DOT1L: variants seen among roughly 807,000 people sequenced by gnomAD.
DOT1L encodes the protein DOT1 like histone lysine methyltransferase.
A neutral mutation model predicts 153.3 loss-of-function variants in DOT1L; 33 were observed. The ratio of observed to expected loss-of-function variants is 0.22; its 90% CI spans 0.16 to 0.29. DOT1L has a LOEUF of 0.29. Among genes scored for constraint, DOT1L ranks in the 10% least tolerant of loss-of-function variants. The pLI is 1.00. For missense variants in DOT1L, 1,847 were observed against 2,119.9 expected (o/e 0.87, Z 2.53); for synonymous variants, 1,135 against 965.1 (o/e 1.18, Z -3.26).
Position 2,213,651 on chromosome 19 carries a change from C to T in DOT1L, c.1659+11C>T, listed in dbSNP as rs369617771. The T allele has an allele frequency of 5.6e-6, 9 of 1,613,382 alleles. No homozygotes were observed. The African/African-American group carries it at 1.1e-4, about 19-fold the overall frequency. On this transcript the variant is annotated intron_variant, in intron 17 of 27. Coordinates refer to ENST00000398665, the MANE Select transcript of DOT1L (RefSeq NM_032482.3). ...CAAAAATTGGATGAGGTAGTGGACC[C>T]CAGAGGGCAGGTGGCAGGTGGCAGC...
intron 25 of DOT1L, among the ~76,000 whole-genome samples, chr19:2,223,808 G>A (rs1277026147): frequency 2.0e-5 from 3 of 152,200 alleles, no homozygotes; most frequent in Non-Finnish European, 4.4e-5. Flanking sequence ...ACGTCTTGCC[G>A]AGTGTATTAC....
chr19:2,204,933 C>T lies in DOT1L; in HGVS notation c.788-1796C>T, dbSNP rs1489768449. On this transcript the variant is annotated intron_variant, in intron 9 of 27. Coordinates refer to ENST00000398665, the MANE Select transcript of DOT1L (RefSeq NM_032482.3). This position sits in a 1 kb window ranked among gnomAD's most constrained non-coding sequence, Gnocchi z 5.7. Reference sequence around the variant, plus strand: ...GTCCAGGGGAGGAGAGCTGGGATGGCGGAGTGTGCATGTGTTTAAATGGAT... The same window carrying T: ...GTCCAGGGGAGGAGAGCTGGGATGGTGGAGTGTGCATGTGTTTAAATGGAT... Among the ~76,000 whole-genome samples, 2 of 151,700 alleles carry T rather than the reference C, an allele frequency of 1.3e-5. No homozygotes were observed. Among genetic ancestry groups the T allele is most frequent in the South Asian group, 2.1e-4 (1 of 4,804 alleles).
At position 2,217,153 on chromosome 19, in the gene DOT1L, T is replaced by A; in HGVS notation, c.2544+63T>A. ...GCTCAGCAGAGGCGGCCTGAGCGAG[T>A]TGCTAGCAGGAGGGCTTGTCCTAGT... On this transcript the variant is annotated intron_variant, in intron 21 of 27. Transcript: ENST00000398665. The surrounding 1 kb of genome is among the most constrained non-coding windows in gnomAD (Gnocchi z 7.3). The A allele has an allele frequency of 6.7e-7, 1 of 1,496,644 alleles. No individual in the cohort carries two copies. Among genetic ancestry groups the A allele is most frequent in the Non-Finnish European group, 8.9e-7 (1 of 1,125,596 alleles). 92.7% of individuals were successfully genotyped at this position (1,496,644 alleles called of 1,614,324 possible).
In DOT1L at chr19:2,226,395, C is replaced by G; in HGVS notation, c.3874C>G (p.Pro1292Ala). Residue 1292 changes from proline to alanine, a missense_variant, in exon 27 of 28, where the codon CCC becomes GCC. This residue lies in a region of DOT1L where 934 missense variants were observed against 825.3 expected (regional missense o/e 1.13). Transcript: ENST00000398665. The stretch of plus-strand genomic sequence containing the variant: ...TGCCGATGCCAAGCTGGCCGCTCAC[C>G]CCAGGAAAGGCTTTCCCGGCTCCCT... ...PSADAKLAAHPRKGFPGSLSG... is the reference protein window; with the variant it reads ...PSADAKLAAHARKGFPGSLSG... The G allele has an allele frequency of 3.1e-6, 5 of 1,597,964 alleles. No homozygotes were observed. Among genetic ancestry groups the G allele is most frequent in the Non-Finnish European group, 3.4e-6 (4 of 1,175,438 alleles).
At position 2,211,733 on chromosome 19, in the gene DOT1L, T is replaced by C; in HGVS notation, c.1466-18T>C. The C allele has an allele frequency of 6.4e-7, 1 of 1,551,024 alleles. No individual in the cohort carries two copies. The highest frequency in any genetic ancestry group is 8.7e-7 in the Non-Finnish European group (1 of 1,145,554). ...CTCAGCTGCTCTCTTCTCACCTGTG[T>C]TCCGCCTCTCTTCCCAGAGTCCTTC... is the stretch of plus-strand genomic sequence containing the variant. On this transcript the variant is annotated intron_variant, in intron 15 of 27. Transcript: ENST00000398665.
intron 9 of DOT1L, among the ~76,000 whole-genome samples, chr19:2,205,220 C>T (rs1323781694): frequency 6.6e-6 from 1 of 152,128 alleles, no homozygotes; most frequent in Non-Finnish European, 1.5e-5. Context: ...ATCTCCCTGC[C>T]TCGGCCTCCC....
intron 1 of DOT1L, among the ~76,000 whole-genome samples, chr19:2,168,610 C>A (rs551601203): frequency 6.6e-6 from 1 of 152,058 alleles, no homozygotes; most frequent in Non-Finnish European, 1.5e-5. Context: ...TCTCAAGCCC[C>A]GCATGGCATT....
intron 9 of DOT1L, among the ~76,000 whole-genome samples, chr19:2,203,354 GC>G (rs1230464029): frequency 6.6e-6 from 1 of 152,160 alleles, no homozygotes; most frequent in Non-Finnish European, 1.5e-5. Context: ...GCCCGCCTCG[GC>G]CCCCGCAAAG....
intron 7 of DOT1L, among the ~76,000 whole-genome samples, chr19:2,198,806 TGCGTG>T (rs1343496190): frequency 6.6e-6 from 1 of 152,196 alleles, no homozygotes; most frequent in Non-Finnish European, 1.5e-5. Flanking sequence ...GATCACACAC[TGCGTG>T]GCCCTCTGTG....
Position 2,188,440 on chromosome 19 carries a change from TGGCGGAGGACGGA to T in DOT1L, c.201-1282_201-1270del, listed in dbSNP as rs1414374727. On this transcript the variant is annotated intron_variant, in intron 3 of 27. Transcript: ENST00000398665. ...GAAACTGCTTGCGTGCACGTGGAGG[TGGCGGAGGACGGA>T]GGCGGAGGAAAGAGTCCCCAGCCGC... 3.5e-5 allele frequency among the ~76,000 whole-genome samples: 3 copies of T among 84,844 alleles called. No homozygotes were observed. In the South Asian group the frequency reaches 1.1e-3, roughly 31 times the overall value. 55.7% of individuals were successfully genotyped at this position (84,844 alleles called of 152,430 possible).
In DOT1L at chr19:2,217,126, GT is replaced by G; in HGVS notation, c.2544+37del. ...CGACCCCTGCCCCGGGCTCAGGGAGGTGCTCAGCAGAGGCGGCCTGAGCGAG... is the reference window on the plus strand; with the variant it reads ...CGACCCCTGCCCCGGGCTCAGGGAGGGCTCAGCAGAGGCGGCCTGAGCGAG... On this transcript the variant is annotated intron_variant, in intron 21 of 27. Transcript: ENST00000398665. This position sits in a 1 kb window ranked among gnomAD's most constrained non-coding sequence, Gnocchi z 7.3. 6.5e-7 allele frequency: 1 copy of G among 1,545,210 alleles called. No individual in the cohort carries two copies. The highest frequency in any genetic ancestry group is 8.7e-7 in the Non-Finnish European group (1 of 1,146,062).
chr19:2,174,945 A>C (rs1159918002), intron 1 of DOT1L, among the ~76,000 whole-genome samples: 1 of 127,764 alleles, frequency 7.8e-6, no homozygotes, highest in Non-Finnish European at 1.7e-5. Flanking sequence ...TCTCTTTTTA[A>C]GTTTTTAAAT....
chr19:2,231,714 G>T lies in DOT1L; in HGVS notation c.*1922G>T. 4.7e-6 allele frequency: 1 copy of T among 213,798 alleles called. No individual in the cohort carries two copies. 13.2% of individuals were successfully genotyped at this position (213,798 alleles called of 1,614,324 possible). A position where few individuals can be genotyped will look rare whatever the true frequency, so the allele number is the denominator to read the frequency against. ...TCGCCACGGGCCGGATACGCCACAGGGTTGATGGCAGAGACGGCCGAGTCC... is the reference window on the plus strand; with the variant it reads ...TCGCCACGGGCCGGATACGCCACAGTGTTGATGGCAGAGACGGCCGAGTCC... On this transcript the variant is annotated 3_prime_UTR_variant, in exon 28 of 28. Transcript: ENST00000398665.
Position 2,232,302 on chromosome 19 carries a change from G to A in DOT1L, c.*2510G>A, listed in dbSNP as rs969562282. On this transcript the variant is annotated 3_prime_UTR_variant, in exon 28 of 28. Transcript: ENST00000398665. ...TTCCCCCTTAATTTATCTGCCCCCA[G>A]GATGCGTCAGTCTGTTCAGTGGTCA... The A allele has an allele frequency of 1.4e-5, 3 of 216,574 alleles. No individual in the cohort carries two copies. Among genetic ancestry groups the A allele is most frequent in the Non-Finnish European group, 2.8e-5 (3 of 107,922 alleles). The allele number at this position is 216,574 out of a possible 1,614,324, so 13.4% of individuals were successfully genotyped here. A position where few individuals can be genotyped will look rare whatever the true frequency, so the allele number is the denominator to read the frequency against.
chr19:2,177,584 C>A (rs928326997), intron 1 of DOT1L, among the ~76,000 whole-genome samples: 1 of 151,992 alleles, frequency 6.6e-6, no homozygotes, highest in South Asian at 2.1e-4. Context: ...AGGCTGGCCT[C>A]GAATTCCTGA....
chr19:2,202,208 C>G (rs1315688476), intron 8 of DOT1L, among the ~76,000 whole-genome samples: 1 of 152,162 alleles, frequency 6.6e-6, no homozygotes, highest in East Asian at 1.9e-4. Flanking sequence ...CCTCTGGTTC[C>G]CCTGTCCTTG....
Position 2,214,593 on chromosome 19 carries a change from G to A in DOT1L, c.1920G>A (p.Leu640=). 2 of 1,612,524 alleles carry A rather than the reference G, an allele frequency of 1.2e-6. No homozygotes were observed. The highest frequency in any genetic ancestry group is 1.7e-6 in the Non-Finnish European group (2 of 1,179,678). Residue 640 remains leucine, a synonymous_variant, in exon 19 of 28, where the codon CTG becomes CTA. Coordinates refer to ENST00000398665, the MANE Select transcript of DOT1L (RefSeq NM_032482.3). ...AGAAGCAGAGGCACTGCCTGGAGCTGCAGGTGGGCTGCGCGCGAGGCTGCA... is the reference window on the plus strand; with the variant it reads ...AGAAGCAGAGGCACTGCCTGGAGCTACAGGTGGGCTGCGCGCGAGGCTGCA... The part of the protein sequence containing the change: ...ISEKQRHCLE[L]QISIVELEKS...
At chr19:2,229,750 C>T (rs2144961991) in intron 27 of DOT1L, 35 bp from the exon 28 acceptor site, 13 of 1,612,862 alleles carry the variant, frequency 8.1e-6, no homozygotes, top group Admixed American at 1.7e-5. Context: ...GCGATGGTAA[C>T]CTCAGGCCGC....
chr19:2,222,409 G>C lies in DOT1L; in HGVS notation c.3240G>C (p.Gly1080=). 6.2e-7 allele frequency: 1 copy of C among 1,611,042 alleles called. No individual in the cohort carries two copies. The highest frequency in any genetic ancestry group is 1.7e-4 in the Middle Eastern group (1 of 6,046). The change falls in exon 24 of 28, where the codon GGG becomes GGC. Residue 1080 remains glycine, a synonymous_variant. Coordinates refer to ENST00000398665, the MANE Select transcript of DOT1L (RefSeq NM_032482.3). The surrounding 1 kb of genome is among the most constrained non-coding windows in gnomAD (Gnocchi z 6.5). ...GTGGGGACTGTGTGCCGAGCCACGG[G>C]CAGGACAGTCGCAGGCGCGGCCGGC... ...SARGDCVPSH[G]QDSRRRGRRK... is the part of the protein sequence containing the mutation.
Sources: gnomAD v4.1 joint callset for allele counts (sites outside exome capture counted in the v4.1 genomes callset) on GRCh38, gnomAD v4.1.1 for gene constraint, gnomAD v4.1.1 regional missense constraint, Gnocchi (gnomAD v3.1) non-coding constraint, MANE v1.5 for transcripts, NCBI Gene and HGNC (gene_info 2026-07-23, HGNC 2026-07-21) for gene names.